The following SHISA9 variants were observed in gnomAD, a reference collection of about 807,000 sequenced individuals.
SHISA9 encodes the protein protein shisa-9.
SHISA9 carries 13 observed loss-of-function variants against 38.0 expected under a neutral mutation model. That is an observed-to-expected ratio of 0.34 (90% CI 0.22 to 0.54). The LOEUF (loss-of-function observed/expected upper bound fraction) is 0.54, where lower values mean the gene tolerates loss of function less well. SHISA9 is among the 20% of genes least tolerant of loss of function. The pLI is 0.91. For missense variants in SHISA9, 538 were observed against 575.8 expected, an observed-to-expected ratio of 0.93 and a Z score of 0.67; for synonymous variants, 275 against 242.0, an observed-to-expected ratio of 1.14 and a Z score of -1.27.
At chr16:13,161,923 A>G (rs918386680) in intron 2 of SHISA9, among the ~76,000 whole-genome samples, 3 of 152,186 alleles carry the variant, frequency 2.0e-5, no homozygotes, top group African/African-American at 7.2e-5. Flanking sequence ...ATTGCATTTC[A>G]TTGCATGATT....
At chr16:13,445,168 A>T in the SHISA9 span, among the ~76,000 whole-genome samples, 1 of 151,628 alleles carries the variant, frequency 6.6e-6, no homozygotes, top group Non-Finnish European at 1.5e-5. Context: ...AGCCTGGAAA[A>T]GATTTCTTTT....
At chr16:13,535,159 T>C in the SHISA9 span, among the ~76,000 whole-genome samples, 27 of 152,128 alleles carry the variant, frequency 1.8e-4, no homozygotes, top group African/African-American at 6.5e-4. Flanking sequence ...GGCAGGAGAA[T>C]TGGTTGAACC....
At chr16:13,115,321 G>A (rs915678353) in intron 2 of SHISA9, among the ~76,000 whole-genome samples, 7 of 152,132 alleles carry the variant, frequency 4.6e-5, no homozygotes, top group South Asian at 2.1e-4. Context: ...TGAGAGCCCC[G>A]AACAGAGATT....
chr16:13,481,933 ATC>A, the SHISA9 span, among the ~76,000 whole-genome samples: 1 of 152,346 alleles, frequency 6.6e-6, no homozygotes, highest in Non-Finnish European at 1.5e-5. Context: ...TGATTGAATA[ATC>A]AGGGCCAATG....
intron 2 of SHISA9, among the ~76,000 whole-genome samples, chr16:13,118,139 G>A (rs922094540): frequency 8.8e-5 from 13 of 147,354 alleles, no homozygotes; most frequent in South Asian, 2.1e-4. Context: ...TGGAGATCAC[G>A]CAATTGTACT....
chr16:13,429,138 C>T, the SHISA9 span, among the ~76,000 whole-genome samples: 3 of 152,080 alleles, frequency 2.0e-5, no homozygotes, highest in East Asian at 5.8e-4. Context: ...GGCGATGGCA[C>T]TGAAGGTTGA....
chr16:13,411,842 A>C, the SHISA9 span, among the ~76,000 whole-genome samples: 2 of 152,230 alleles, frequency 1.3e-5, no homozygotes, highest in Non-Finnish European at 2.9e-5. Flanking sequence ...GATAAAACTC[A>C]GGGGTTATTT....
the SHISA9 span, among the ~76,000 whole-genome samples, chr16:13,286,622 G>C: frequency 6.6e-6 from 1 of 152,190 alleles, no homozygotes; most frequent in Non-Finnish European, 1.5e-5. Context: ...CACGTCATCT[G>C]CAAAATATAT....
At chr16:12,925,471 G>GTT (rs1486315623) in intron 2 of SHISA9, among the ~76,000 whole-genome samples, 1 of 128,200 alleles carries the variant, frequency 7.8e-6, no homozygotes, top group African/African-American at 3.4e-5. Context: ...GTGTGTGTGT[G>GTT]TGCAAGCAAC....
At chr16:13,259,628 C>G in the SHISA9 span, among the ~76,000 whole-genome samples, 1 of 152,214 alleles carries the variant, frequency 6.6e-6, no homozygotes. Flanking sequence ...GGTTCCCAAA[C>G]CTCAGTTTTT....
At chr16:13,489,863 C>T in the SHISA9 span, among the ~76,000 whole-genome samples, 3 of 152,138 alleles carry the variant, frequency 2.0e-5, no homozygotes, top group African/African-American at 4.8e-5. Context: ...CCCAAGGTCA[C>T]AGTGCAGGTA....
chr16:13,527,268 G>C, the SHISA9 span, among the ~76,000 whole-genome samples: 1 of 152,128 alleles, frequency 6.6e-6, no homozygotes, highest in Non-Finnish European at 1.5e-5. Context: ...ACAACTTCTG[G>C]AATCTCCCTC....
At chr16:13,311,516 T>C in the SHISA9 span, among the ~76,000 whole-genome samples, 19 of 152,284 alleles carry the variant, frequency 1.2e-4, no homozygotes, top group Non-Finnish European at 1.6e-4. Flanking sequence ...AAGACTCTGA[T>C]TGGTCCAGCC....
intron 2 of SHISA9, among the ~76,000 whole-genome samples, chr16:13,159,231 G>C (rs372852015): frequency 2.6e-4 from 40 of 152,314 alleles, no homozygotes; most frequent in African/African-American, 9.1e-4. Flanking sequence ...AAATTAACAT[G>C]AATTAGGCAT....
the SHISA9 span, among the ~76,000 whole-genome samples, chr16:13,314,093 G>T: frequency 2.6e-5 from 4 of 152,230 alleles, no homozygotes; most frequent in African/African-American, 9.6e-5. Context: ...CAAAGGGAAG[G>T]TTGAGCTAGG....
At chr16:13,037,949 C>G (rs1244128564) in intron 2 of SHISA9, among the ~76,000 whole-genome samples, 2 of 152,140 alleles carry the variant, frequency 1.3e-5, no homozygotes, top group African/African-American at 2.4e-5. Context: ...TTGGGGATCC[C>G]TGAAAGCATC....
the SHISA9 span, among the ~76,000 whole-genome samples, chr16:13,341,783 C>A: frequency 1.3e-5 from 2 of 152,132 alleles, no homozygotes; most frequent in Admixed American, 6.5e-5. Context: ...ACATTGATAA[C>A]AACATGTAAG....
intron 3 of SHISA9, among the ~76,000 whole-genome samples, chr16:13,211,910 C>A (rs913565770): frequency 6.6e-6 from 1 of 152,176 alleles, no homozygotes; most frequent in African/African-American, 2.4e-5. Context: ...TTCCAGATGA[C>A]CCTGGCTATG....
chr16:13,405,874 C>T, the SHISA9 span, among the ~76,000 whole-genome samples: 1 of 149,686 alleles, frequency 6.7e-6, no homozygotes, highest in Non-Finnish European at 1.5e-5. Context: ...TGGTATAACA[C>T]TGATAGGCAT....
Sources: allele counts gnomAD v4.1 joint callset (sites outside exome capture counted in the v4.1 genomes callset), GRCh38; gene constraint gnomAD v4.1.1; transcripts MANE v1.5; gene names NCBI Gene and HGNC (gene_info 2026-07-23, HGNC 2026-07-21).